Variants in IQSEC3 observed in about 807,000 individuals in gnomAD.
The protein encoded by IQSEC3 is IQ motif and Sec7 domain ArfGEF 3.
Under a neutral mutation model 105.4 loss-of-function variants are expected in IQSEC3, and 50 were observed. The ratio of observed to expected loss-of-function variants is 0.47; its 90% CI spans 0.38 to 0.60. The LOEUF is 0.60. Among genes scored for constraint, IQSEC3 ranks in the 20% least tolerant of loss-of-function variants. IQSEC3 has a pLI of 0.00. For synonymous variants in IQSEC3, 708 were observed against 746.0 expected, an observed-to-expected ratio of 0.95 and a Z score of 0.83; for missense variants, 1,415 against 1,630.0, an observed-to-expected ratio of 0.87 and a Z score of 2.27.
At chr12:93,646 CT>C (rs542474393) in intron 1 of IQSEC3, among the ~76,000 whole-genome samples, 2 of 152,214 alleles carry the variant, frequency 1.3e-5, no homozygotes, top group Admixed American at 6.5e-5. Context: ...CAAACAGGAA[CT>C]TGGGCCTTTC....
intron 1 of IQSEC3, among the ~76,000 whole-genome samples, chr12:78,998 A>C (rs113480215): frequency 6.6e-5 from 10 of 152,318 alleles, no homozygotes; most frequent in African/African-American, 2.4e-4. Context: ...AAATATTTGA[A>C]GGCAGATAGC....
At chr12:71,717 G>A (rs1357287708) in intron 1 of IQSEC3, among the ~76,000 whole-genome samples, 2 of 152,290 alleles carry the variant, frequency 1.3e-5, no homozygotes, top group African/African-American at 2.4e-5. Flanking sequence ...ATCACTAGGT[G>A]AGGACAGTCT....
chr12:86,641 A>AC (rs1863926258), intron 1 of IQSEC3, among the ~76,000 whole-genome samples: 1 of 152,194 alleles, frequency 6.6e-6, no homozygotes, highest in Non-Finnish European at 1.5e-5. Flanking sequence ...AACTCCAGAC[A>AC]GCTCCTGCCT....
Position 125,679 on chromosome 12 carries a change from G to C in IQSEC3, c.670G>C (p.Val224Leu). ...CGGTGGGGGCATGGAGGACTCCGTG[G>C]TGGCAGCGGCGGCGGTGGCAGCCGG... Reference protein sequence around the residue: ...QAGGGMEDSVVAAAAVAAGRP... With the variant: ...QAGGGMEDSVLAAAAVAAGRP... The change falls in exon 3 of 14, where the codon GTG (valine) becomes CTG (leucine). Residue 224 changes from valine to leucine, a missense_variant. Val to Leu is a conservative substitution (Grantham distance 32, BLOSUM62 1). Around this residue, in one of 6 missense-constraint regions of IQSEC3, gnomAD observed 720 missense variants for 633.0 expected, o/e 1.14. Transcript: ENST00000538872. The C allele has an allele frequency of 6.5e-7, 1 of 1,539,258 alleles. No homozygotes were observed. The highest frequency in any genetic ancestry group is 8.7e-7 in the Non-Finnish European group (1 of 1,154,264).
intron 13 of IQSEC3, 62 bp downstream of exon 13, chr12:171,223 CG>C: frequency 6.2e-7 from 1 of 1,613,744 alleles, no homozygotes; most frequent in Non-Finnish European, 8.5e-7. Context: ...TTCTTCTCAC[CG>C]TCTCTGTTGT....
At chr12:141,333 C>T (rs367799804) in intron 5 of IQSEC3, 48 bp downstream of exon 5, 44 of 1,577,016 alleles carry the variant, frequency 2.8e-5, no homozygotes, top group Admixed American at 8.5e-5. Flanking sequence ...CCACACCCCA[C>T]CTGCCCGGGC....
At chr12:133,572 G>A (rs1555085605) in intron 3 of IQSEC3, among the ~76,000 whole-genome samples, 1 of 152,258 alleles carries the variant, frequency 6.6e-6, no homozygotes, top group African/African-American at 2.4e-5. Flanking sequence ...AGGACCCAGA[G>A]CACAGGGCTC....
At chr12:98,805 G>A (rs868978862) in intron 1 of IQSEC3, among the ~76,000 whole-genome samples, 3 of 152,344 alleles carry the variant, frequency 2.0e-5, no homozygotes, top group African/African-American at 2.4e-5. Flanking sequence ...AACAAACTAC[G>A]ATAACAGAGC....
At chr12:171,361 G>A (rs200492047) in intron 13 of IQSEC3, 200 bp downstream of exon 13, 1,266 of 1,576,876 alleles carry the variant, frequency 8.0e-4, no homozygotes, top group Non-Finnish European at 1.0e-3. Flanking sequence ...ATTAAGCCAC[G>A]AGCTCTTTCT....
chr12:163,702 G>T (rs1867033807), intron 9 of IQSEC3, 83 bp downstream of exon 9: 4 of 829,746 alleles, frequency 4.8e-6, no homozygotes, highest in Non-Finnish European at 8.1e-6. Context: ...CCCTGAAGTG[G>T]GCAGGAAAGG....
At position 127,439 on chromosome 12, in the gene IQSEC3, G is replaced by C. The variant is rs114070016; in HGVS notation, c.903+1527G>C. Among the ~76,000 whole-genome samples, 1,032 of 152,260 alleles carry C rather than the reference G, an allele frequency of 6.8e-3. 10 individuals are homozygous for C. The highest frequency in any genetic ancestry group is 0.024 in the African/African-American group (979 of 41,540). On this transcript the variant is annotated intron_variant, in intron 3 of 13. Transcript: ENST00000538872. The stretch of plus-strand genomic sequence containing the variant: ...GAGGCTGAGGCAGAATTCCTTGAAT[G>C]CGGGAGGCGGAGGTTGCAGTGAGCC...
At chr12:112,349 T>A (rs550379761) in intron 2 of IQSEC3, among the ~76,000 whole-genome samples, 2 of 152,124 alleles carry the variant, frequency 1.3e-5, no homozygotes, top group African/African-American at 4.8e-5. Context: ...AGGCATCAGC[T>A]ATCCAAGCAG....
chr12:94,514 G>A (rs1223337330), intron 1 of IQSEC3, among the ~76,000 whole-genome samples: 1 of 152,224 alleles, frequency 6.6e-6, no homozygotes, highest in African/African-American at 2.4e-5. Context: ...AGCAGGAGGT[G>A]GATGGAGGAG....
intron 1 of IQSEC3, among the ~76,000 whole-genome samples, chr12:82,273 C>T (rs565787877): frequency 3.7e-4 from 57 of 152,196 alleles, no homozygotes; most frequent in African/African-American, 1.3e-3. Context: ...AATGATATTT[C>T]TGGGGCTTGC....
rs782634847 is a variant in IQSEC3 at position 138,491 on chromosome 12, C to G, written c.1128C>G (p.Leu376=). 2.5e-6 allele frequency: 4 copies of G among 1,589,046 alleles called. No individual in the cohort carries two copies. Among genetic ancestry groups the G allele is most frequent in the Non-Finnish European group, 2.6e-6 (3 of 1,173,652 alleles). The change falls in exon 4 of 14, where the codon CTC becomes CTG. Residue 376 remains leucine, a synonymous_variant. Transcript: ENST00000538872. This position sits in a 1 kb window ranked among gnomAD's most constrained non-coding sequence, Gnocchi z 7.1. The stretch of plus-strand genomic sequence containing the variant: ...AAGCGCTCATGGAGGGCTACGGCCT[C>G]GTGGGGCTGCCGCTGGTGCGCTCGC... The part of the protein sequence containing the change: ...AEKALMEGYG[L]VGLPLVRSPS...
chr12:171,379 C>T (rs1181607767), intron 13 of IQSEC3: 10 of 1,511,666 alleles, frequency 6.6e-6, no homozygotes, highest in Middle Eastern at 1.7e-4. Flanking sequence ...TCTCCCCTTT[C>T]CCCAGCCTGC....
chr12:98,025 T>G (rs1003505081), intron 1 of IQSEC3, among the ~76,000 whole-genome samples: 2 of 152,130 alleles, frequency 1.3e-5, no homozygotes, highest in Admixed American at 6.5e-5. Context: ...AGGCTTCCAG[T>G]AAAGATTTGG....
chr12:95,835 T>C (rs1268942880), intron 1 of IQSEC3, among the ~76,000 whole-genome samples: 1 of 152,220 alleles, frequency 6.6e-6, no homozygotes, highest in Non-Finnish European at 1.5e-5. Flanking sequence ...CGTAATTCCA[T>C]GGTATGGTTG....
chr12:171,556 A>C, intron 13 of IQSEC3: 1 of 587,818 alleles, frequency 1.7e-6, no homozygotes, highest in Non-Finnish European at 3.0e-6. Context: ...CCGTTCCCCA[A>C]GTCCTCCCAC....
Sources: allele counts gnomAD v4.1 joint callset (sites outside exome capture counted in the v4.1 genomes callset), GRCh38; gene constraint gnomAD v4.1.1; regional missense constraint gnomAD v4.1.1; non-coding constraint Gnocchi (gnomAD v3.1); transcripts MANE v1.5; gene names NCBI Gene and HGNC (gene_info 2026-07-23, HGNC 2026-07-21).